Variants in IKZF2 observed in about 807,000 individuals in gnomAD.
The protein encoded by IKZF2 is zinc finger protein Helios.
Under a neutral mutation model 49.2 loss-of-function variants are expected in IKZF2, and 15 were observed. The ratio of observed to expected loss-of-function variants is 0.30; its 90% CI spans 0.20 to 0.47. IKZF2 has a LOEUF of 0.47. Ranked by LOEUF, IKZF2 falls within the 20% of genes least tolerant of loss-of-function variation. The pLI, the probability that IKZF2 is intolerant of heterozygous loss-of-function variation, is 1.00. For missense variants in IKZF2, 567 were observed against 664.6 expected (o/e 0.85, Z 1.61); for synonymous variants, 227 against 221.4 (o/e 1.03, Z -0.23).
chr2:213,126,362 G>C (rs1446500790), intron 4 of IKZF2, among the ~76,000 whole-genome samples: 2 of 152,154 alleles, frequency 1.3e-5, no homozygotes, highest in African/African-American at 4.8e-5. Flanking sequence ...TGAGAGTAGG[G>C]TCAATGCTGC....
At chr2:213,078,092 A>G (rs948813521) in intron 4 of IKZF2, among the ~76,000 whole-genome samples, 1 of 151,954 alleles carries the variant, frequency 6.6e-6, no homozygotes, top group African/African-American at 2.4e-5. Flanking sequence ...TGTATCCTCA[A>G]CTCTTCAAGT....
At chr2:213,065,065 T>C (rs1222227670) in intron 4 of IKZF2, among the ~76,000 whole-genome samples, 2 of 152,084 alleles carry the variant, frequency 1.3e-5, no homozygotes, top group African/African-American at 4.8e-5. Flanking sequence ...TCATGCCTTT[T>C]CCAGTGAAAC....
At chr2:213,026,698 G>C (rs1462521756) in intron 6 of IKZF2, among the ~76,000 whole-genome samples, 1 of 151,052 alleles carries the variant, frequency 6.6e-6, no homozygotes, top group Non-Finnish European at 1.5e-5. Flanking sequence ...TTATCCTCTT[G>C]CATTTTTTTA....
intron 4 of IKZF2, among the ~76,000 whole-genome samples, chr2:213,116,783 T>G (rs2059892418): frequency 6.6e-6 from 1 of 152,220 alleles, no homozygotes; most frequent in South Asian, 2.1e-4. Context: ...TAATTGGCTC[T>G]GAATGTACAA....
intron 1 of IKZF2, 23 bp from the exon 2 acceptor site, chr2:213,150,270 A>G: frequency 1.0e-6 from 1 of 996,176 alleles, no homozygotes; most frequent in Non-Finnish European, 1.4e-6. Flanking sequence ...GGAGGGAGAA[A>G]GAAAGAAGTT....
intron 4 of IKZF2, among the ~76,000 whole-genome samples, chr2:213,077,294 T>C (rs1434824188): frequency 2.0e-5 from 3 of 152,180 alleles, no homozygotes; most frequent in Non-Finnish European, 4.4e-5. Context: ...AGATATTAAA[T>C]TGTAGTATTC....
In IKZF2 at chr2:213,103,352, T is replaced by C. The variant is rs1381769967; in HGVS notation, c.139+44356A>G. ...TTCAAAGCTTGGACAGATAGCTTAA[T>C]AAACAATCACAAAAGGATAATAAAA... On this transcript the variant is annotated intron_variant, in intron 4 of 8. Coordinates refer to ENST00000434687, the MANE Select transcript of IKZF2 (RefSeq NM_001387220.1). Among the ~76,000 whole-genome samples the C allele has an allele frequency of 2.0e-5, 3 of 152,112 alleles. No homozygotes were observed. In the East Asian group the frequency reaches 5.8e-4, roughly 29 times the overall value.
In IKZF2 at chr2:213,086,257, C is replaced by T. The variant is rs140508827; in HGVS notation, c.140-29158G>A. Among the ~76,000 whole-genome samples the T allele has an allele frequency of 8.9e-3, 1,346 of 152,070 alleles. 12 individuals carry two copies. The highest frequency in any genetic ancestry group is 0.012 in the Non-Finnish European group (819 of 67,982). ...GCATGTAGAATCCAGGGAAAGAATC[C>T]CTGGAATGCTGTAACTGTTTGAATA... On this transcript the variant is annotated intron_variant, in intron 4 of 8. Transcript: ENST00000434687.
rs1193855924 is a variant in IKZF2 at position 213,001,358 on chromosome 2, G to A, written c.*6002C>T. 6.6e-6 allele frequency: 1 copy of A among 151,978 alleles called. No individual in the cohort carries two copies. Among genetic ancestry groups the A allele is most frequent in the East Asian group, 1.9e-4 (1 of 5,164 alleles). The allele number at this position is 151,978 out of a possible 1,614,324, so 9.4% of individuals were successfully genotyped here. ...CCTTTCTAAACACTTGCAAATAACTGTCTAGTCTTTCATGATATACATTTT... is the reference window on the plus strand; with the variant it reads ...CCTTTCTAAACACTTGCAAATAACTATCTAGTCTTTCATGATATACATTTT... On this transcript the variant is annotated 3_prime_UTR_variant, in exon 9 of 9. Transcript: ENST00000434687.
chr2:213,019,187 T>C (rs1353832621), intron 7 of IKZF2, among the ~76,000 whole-genome samples: 2 of 152,170 alleles, frequency 1.3e-5, no homozygotes, highest in Non-Finnish European at 2.9e-5. Context: ...AAACATGTTT[T>C]AGAAAAGAAA....
At chr2:213,057,135 C>A in intron 4 of IKZF2, 36 bp from the exon 5 acceptor site, 1 of 1,569,778 alleles carries the variant, frequency 6.4e-7, no homozygotes, top group East Asian at 2.3e-5. Flanking sequence ...ATTTTAAATA[C>A]ATGTTATGTA....
At chr2:213,151,007 TAAAAC>T (rs1304366347) in intron 1 of IKZF2, among the ~76,000 whole-genome samples, 1 of 151,714 alleles carries the variant, frequency 6.6e-6, no homozygotes, top group Non-Finnish European at 1.5e-5. Flanking sequence ...GAATTCAAGT[TAAAAC>T]AAAGCAAAAC....
intron 5 of IKZF2, among the ~76,000 whole-genome samples, chr2:213,050,096 T>C (rs571689711): frequency 6.6e-6 from 1 of 152,318 alleles, no homozygotes; most frequent in South Asian, 2.1e-4. Flanking sequence ...TATGTATAAA[T>C]GTGACAAAAG....
chr2:213,009,775 G>A lies in IKZF2; in HGVS notation c.857-1691C>T, dbSNP rs1014465323. ...GAGGAATATTTAGCTCATACCAGGG[G>A]ACTAAAGGAACACTTCTTGAAGGAA... On this transcript the variant is annotated intron_variant, in intron 8 of 8. Transcript: ENST00000434687. Among the ~76,000 whole-genome samples the A allele has an allele frequency of 3.3e-5, 5 of 152,020 alleles. No individual in the cohort carries two copies. The East Asian group carries it at 7.7e-4, about 24-fold the overall frequency.
intron 4 of IKZF2, 44 bp from the exon 5 acceptor site, chr2:213,057,143 G>T: frequency 6.5e-7 from 1 of 1,530,806 alleles, no homozygotes; most frequent in Non-Finnish European, 8.9e-7. Context: ...TACATGTTAT[G>T]TATTCTCACC....
intron 4 of IKZF2, among the ~76,000 whole-genome samples, chr2:213,060,862 G>A (rs910683009): frequency 7.9e-5 from 12 of 151,278 alleles, no homozygotes; most frequent in African/African-American, 2.7e-4. Flanking sequence ...TGAACACAAG[G>A]AAAGAATAAG....
chr2:213,141,047 C>T (rs188086182), intron 4 of IKZF2, among the ~76,000 whole-genome samples: 21 of 152,010 alleles, frequency 1.4e-4, no homozygotes, highest in Non-Finnish European at 2.7e-4. Context: ...AATCTTTTCC[C>T]GGAAACCTGC....
intron 4 of IKZF2, among the ~76,000 whole-genome samples, chr2:213,145,672 C>T (rs2061032056): frequency 6.6e-6 from 1 of 151,990 alleles, no homozygotes; most frequent in Non-Finnish European, 1.5e-5. Context: ...CCATCTAACA[C>T]CTAAGTGGGT....
intron 7 of IKZF2, 82 bp from the exon 8 acceptor site, chr2:213,014,016 ATG>A (rs1187179892): frequency 7.5e-7 from 1 of 1,327,490 alleles, no homozygotes; most frequent in African/African-American, 1.5e-5. Flanking sequence ...CCATCTCGAT[ATG>A]TGTTATAAAA....
Sources: allele counts gnomAD v4.1 joint callset (sites outside exome capture counted in the v4.1 genomes callset), GRCh38; gene constraint gnomAD v4.1.1; transcripts MANE v1.5; gene names NCBI Gene and HGNC (gene_info 2026-07-23, HGNC 2026-07-21).